CA10: variants seen among roughly 807,000 people sequenced by gnomAD.
The protein encoded by CA10 is carbonic anhydrase-related protein 10.
CA10 carries 14 observed loss-of-function variants against 44.2 expected under a neutral mutation model. That is an observed-to-expected ratio of 0.32 (90% CI 0.21 to 0.50). CA10 has a LOEUF of 0.50. Among genes scored for constraint, CA10 ranks in the 20% least tolerant of loss-of-function variants. The pLI, the probability that CA10 is intolerant of heterozygous loss-of-function variation, is 0.99. For synonymous variants in CA10, 159 were observed against 141.6 expected, an observed-to-expected ratio of 1.12 and a Z score of -0.87; for missense variants, 350 against 409.7, an observed-to-expected ratio of 0.85 and a Z score of 1.26.
chr17:51,939,143 T>C (rs1982979658), intron 2 of CA10, among the ~76,000 whole-genome samples: 1 of 152,056 alleles, frequency 6.6e-6, no homozygotes, highest in Non-Finnish European at 1.5e-5. Context: ...CATGTATATA[T>C]ATATTTGAGA....
chr17:51,945,089 A>G (rs1258968645), intron 2 of CA10, among the ~76,000 whole-genome samples: 2 of 152,164 alleles, frequency 1.3e-5, no homozygotes, highest in Non-Finnish European at 2.9e-5. Flanking sequence ...AGACTTCTCT[A>G]TATCAAGCAA....
chr17:51,643,299 A>T (rs1278040630), intron 6 of CA10, among the ~76,000 whole-genome samples: 1 of 152,184 alleles, frequency 6.6e-6, no homozygotes, highest in Non-Finnish European at 1.5e-5. Context: ...AAATGGAGGG[A>T]TATTAGCCTT....
At chr17:51,759,636 C>T (rs1905167072) in intron 3 of CA10, among the ~76,000 whole-genome samples, 4 of 151,914 alleles carry the variant, frequency 2.6e-5, no homozygotes, top group Admixed American at 2.6e-4. Context: ...TGAGCATCAT[C>T]TGGGTACCTG....
In CA10 at chr17:52,051,045, AGGAG is replaced by A. The variant is rs1567716002; in HGVS notation, c.136+21270_136+21273del. Among the ~76,000 whole-genome samples, 13 of 150,688 alleles carry A rather than the reference AGGAG, an allele frequency of 8.6e-5. No homozygotes were observed. The South Asian group carries it at 2.8e-3, about 32-fold the overall frequency. Reference sequence around the variant, plus strand: ...GGAAGGAAGGAAGGGAAGGAAAGGAAGGAGGGAGGGAGGGGAAAAATGAAGAATG... The same window carrying A: ...GGAAGGAAGGAAGGGAAGGAAAGGAAGGAGGGAGGGGAAAAATGAAGAATG... On this transcript the variant is annotated intron_variant, in intron 2 of 8. Transcript: ENST00000451037.
intron 3 of CA10, among the ~76,000 whole-genome samples, chr17:51,923,628 G>A (rs1376420465): frequency 2.0e-5 from 3 of 152,144 alleles, no homozygotes; most frequent in Non-Finnish European, 4.4e-5. Flanking sequence ...GAATGGCAAT[G>A]ATTAAATTTT....
At chr17:52,045,625 C>T (rs951304984) in intron 2 of CA10, among the ~76,000 whole-genome samples, 1 of 151,850 alleles carries the variant, frequency 6.6e-6, no homozygotes, top group African/African-American at 2.4e-5. Flanking sequence ...ATTGCTAGAA[C>T]TGAAAGAAGA....
intron 3 of CA10, among the ~76,000 whole-genome samples, chr17:51,795,303 A>G (rs16950525): frequency 0.11 from 16,191 of 152,170 alleles, 1,252 homozygotes; most frequent in African/African-American, 0.23. Context: ...CAACATTCGA[A>G]ATGATGGCAG....
intron 2 of CA10, among the ~76,000 whole-genome samples, chr17:52,001,215 TA>T (rs1307627450): frequency 1.3e-5 from 2 of 151,970 alleles, no homozygotes; most frequent in African/African-American, 4.8e-5. Flanking sequence ...CAAAGGATTG[TA>T]AAAAACAAAG....
intron 2 of CA10, among the ~76,000 whole-genome samples, chr17:51,993,967 TC>T (rs1416168193): frequency 6.6e-6 from 1 of 152,096 alleles, no homozygotes; most frequent in Non-Finnish European, 1.5e-5. Flanking sequence ...GTAGTTCACA[TC>T]TTAAAGGCAA....
intron 1 of CA10, among the ~76,000 whole-genome samples, chr17:52,083,378 G>A (rs1046000766): frequency 1.3e-5 from 2 of 152,118 alleles, no homozygotes; most frequent in African/African-American, 4.8e-5. Context: ...GCTACTAATT[G>A]TGTCACTTTG....
intron 2 of CA10, among the ~76,000 whole-genome samples, chr17:52,065,655 C>G (rs1017105318): frequency 3.3e-5 from 5 of 152,182 alleles, no homozygotes; most frequent in African/African-American, 4.8e-5. Flanking sequence ...ATCCAAACTT[C>G]TAGTTCCTTT....
intron 3 of CA10, among the ~76,000 whole-genome samples, chr17:51,779,441 A>T (rs142992603): frequency 6.6e-6 from 1 of 152,208 alleles, no homozygotes; most frequent in African/African-American, 2.4e-5. Context: ...GCAATGATTC[A>T]CACAGGGTTA....
chr17:51,825,797 A>G (rs576561345), intron 3 of CA10, among the ~76,000 whole-genome samples: 1 of 152,350 alleles, frequency 6.6e-6, no homozygotes, highest in African/African-American at 2.4e-5. Context: ...AAGGAAACAC[A>G]ACAAAATGAT....
intron 3 of CA10, among the ~76,000 whole-genome samples, chr17:51,913,971 G>A (rs890326336): frequency 6.6e-6 from 1 of 152,120 alleles, no homozygotes; most frequent in Non-Finnish European, 1.5e-5. Flanking sequence ...TGGCAGAGAT[G>A]TGTCAGCTTT....
intron 2 of CA10, among the ~76,000 whole-genome samples, chr17:51,951,589 C>A (rs1419890294): frequency 6.6e-6 from 1 of 152,126 alleles, no homozygotes; most frequent in Non-Finnish European, 1.5e-5. Context: ...CAAACACATA[C>A]AAATACCTTT....
intron 3 of CA10, among the ~76,000 whole-genome samples, chr17:51,847,016 T>A (rs1978524232): frequency 6.6e-6 from 1 of 152,198 alleles, no homozygotes; most frequent in African/African-American, 2.4e-5. Context: ...TGGAATAATA[T>A]GGACAGTTTA....
intron 2 of CA10, among the ~76,000 whole-genome samples, 190 bp from the exon 3 acceptor site, chr17:51,931,322 T>C (rs1398319283): frequency 6.6e-6 from 1 of 152,136 alleles, no homozygotes; most frequent in Non-Finnish European, 1.5e-5. Flanking sequence ...AAGTCTTACC[T>C]GCATGGTCTC....
intron 2 of CA10, among the ~76,000 whole-genome samples, chr17:51,982,280 T>A (rs565780305): frequency 1.3e-5 from 2 of 152,056 alleles, no homozygotes; most frequent in South Asian, 4.1e-4. Context: ...TTAGCTGTGG[T>A]GGCAATAAAG....
At chr17:51,832,930 A>G (rs913435861) in intron 3 of CA10, among the ~76,000 whole-genome samples, 24 of 152,238 alleles carry the variant, frequency 1.6e-4, no homozygotes, top group Non-Finnish European at 2.2e-4. Flanking sequence ...CCATGCTTCA[A>G]ATGGAGGCAG....
Sources: gnomAD v4.1 joint callset for allele counts (sites outside exome capture counted in the v4.1 genomes callset) on GRCh38, gnomAD v4.1.1 for gene constraint, MANE v1.5 for transcripts, NCBI Gene and HGNC (gene_info 2026-07-23, HGNC 2026-07-21) for gene names.